COL22A1: variants seen among roughly 807,000 people sequenced by gnomAD.
COL22A1 encodes collagen alpha-1(XXII) chain.
Under a neutral mutation model 248.9 loss-of-function variants are expected in COL22A1, and 221 were observed. The ratio of observed to expected loss-of-function variants is 0.89; its 90% confidence interval spans 0.80 to 0.99. COL22A1 has a LOEUF of 0.99. Among genes scored for constraint, COL22A1 ranks in the 50% least tolerant of loss-of-function variants. COL22A1 has a pLI of 0.00. For missense variants in COL22A1, 2,240 were observed against 2,179.0 expected (o/e 1.03, Z -0.56); for synonymous variants, 891 against 793.4 (o/e 1.12, Z -2.07).
chr8:138,909,188 A>G (rs1008491384), intron 1 of COL22A1, among the ~76,000 whole-genome samples: 6 of 152,050 alleles, frequency 3.9e-5, no homozygotes, highest in Admixed American at 6.5e-5. Flanking sequence ...TTATAGGAAT[A>G]ACACTTAACA....
At chr8:138,645,968 A>C (rs2130502168) in intron 47 of COL22A1, among the ~76,000 whole-genome samples, 1 of 152,330 alleles carries the variant, frequency 6.6e-6, no homozygotes, top group Non-Finnish European at 1.5e-5. Context: ...ATCTGTCCCC[A>C]TACCAGCACT....
At chr8:138,652,721 C>CT (rs146091588) in intron 45 of COL22A1, among the ~76,000 whole-genome samples, 3,258 of 58,122 alleles carry the variant, frequency 0.056, 169 homozygotes, top group East Asian at 0.32. Flanking sequence ...AAAATATTTT[C>CT]TTTTCCTTTT....
chr8:138,878,367 C>T lies in COL22A1; in HGVS notation c.92-51G>A. On this transcript the variant is annotated intron_variant, in intron 2 of 64. Transcript: ENST00000303045. Reference sequence around the variant, plus strand: ...GTAGGGCAAATGGGCATGGAAAGGACACTGTCCTGGGGTATACAGGTCACT... The same window carrying T: ...GTAGGGCAAATGGGCATGGAAAGGATACTGTCCTGGGGTATACAGGTCACT... 3 of 1,422,128 alleles carry T rather than the reference C, an allele frequency of 2.1e-6. No homozygotes were observed. In the South Asian group the frequency reaches 4.3e-5, roughly 20 times the overall value. The allele number at this position is 1,422,128 out of a possible 1,614,324, so 88.1% of individuals were successfully genotyped here.
intron 41 of COL22A1, among the ~76,000 whole-genome samples, chr8:138,666,700 T>C (rs1824532642): frequency 6.6e-6 from 1 of 152,224 alleles, no homozygotes; most frequent in Non-Finnish European, 1.5e-5. Context: ...TGGTTTGTTA[T>C]GGCCTGGGAA....
chr8:138,785,036 G>A (rs1371440299), intron 12 of COL22A1, among the ~76,000 whole-genome samples: 8 of 152,160 alleles, frequency 5.3e-5, no homozygotes, highest in Non-Finnish European at 1.2e-4. Flanking sequence ...GGGGCACAGG[G>A]CAGGTGCATG....
At chr8:138,845,390 C>T (rs1421001407) in intron 3 of COL22A1, among the ~76,000 whole-genome samples, 1 of 151,644 alleles carries the variant, frequency 6.6e-6, no homozygotes, top group Non-Finnish European at 1.5e-5. Flanking sequence ...ACACTGGTAA[C>T]CCCAGCTACT....
rs748431398 is a variant in COL22A1, at chr8:138,613,929, AAGACAG to A, written c.3925-15_3925-10del. The A allele has an allele frequency of 1.2e-6, 2 of 1,606,258 alleles. No homozygotes were observed. Among genetic ancestry groups the A allele is most frequent in the South Asian group, 2.2e-5 (2 of 90,926 alleles). The stretch of plus-strand genomic sequence containing the variant: ...GTGGGTCCAGTGTCACCCTGGAACA[AAGACAG>A]AGAGATGGTGTCATCATCAAGTCAC... On this transcript the variant is annotated splice_polypyrimidine_tract_variant and intron_variant, in intron 55 of 64. Coordinates refer to ENST00000303045, the MANE Select transcript of COL22A1 (RefSeq NM_152888.3).
chr8:138,688,906 A>G lies in COL22A1; in HGVS notation c.2862+11T>C. 6.2e-7 allele frequency: 1 copy of G among 1,609,656 alleles called. No homozygotes were observed. On this transcript the variant is annotated intron_variant, in intron 37 of 64. Coordinates refer to ENST00000303045, the MANE Select transcript of COL22A1 (RefSeq NM_152888.3). ...ATTCACTTGTGTGCTGAGAGATCAT[A>G]TTGGTCTTACCTTCTCACCACGCTC... is the stretch of plus-strand genomic sequence containing the variant.
chr8:138,766,803 G>A (rs1833945659), intron 16 of COL22A1, among the ~76,000 whole-genome samples: 1 of 152,222 alleles, frequency 6.6e-6, no homozygotes, highest in Admixed American at 6.5e-5. Flanking sequence ...GTGGAACCAT[G>A]CCATAGTGTG....
intron 63 of COL22A1, among the ~76,000 whole-genome samples, chr8:138,593,400 A>G (rs929318362): frequency 2.6e-5 from 4 of 152,132 alleles, no homozygotes; most frequent in African/African-American, 4.8e-5. Flanking sequence ...TTTAAAAAAA[A>G]ACCTTTTGTT....
chr8:138,811,062 CT>C (rs1225742578), intron 9 of COL22A1, among the ~76,000 whole-genome samples: 1 of 152,152 alleles, frequency 6.6e-6, no homozygotes, highest in Non-Finnish European at 1.5e-5. Flanking sequence ...GTAAATCTTT[CT>C]GTTCCTTCTA....
chr8:138,733,891 T>A (rs1427940791), intron 23 of COL22A1, among the ~76,000 whole-genome samples: 1 of 152,134 alleles, frequency 6.6e-6, no homozygotes, highest in Non-Finnish European at 1.5e-5. Context: ...TCCACCTTCT[T>A]CAATCAGGCC....
At chr8:138,637,129 G>T (rs1322315388) in intron 47 of COL22A1, among the ~76,000 whole-genome samples, 1 of 152,160 alleles carries the variant, frequency 6.6e-6, no homozygotes, top group African/African-American at 2.4e-5. Context: ...ACCATTAAAA[G>T]GATGTGAAAT....
chr8:138,618,507 C>T (rs930013936), intron 53 of COL22A1, among the ~76,000 whole-genome samples: 2 of 152,188 alleles, frequency 1.3e-5, no homozygotes, highest in African/African-American at 4.8e-5. Flanking sequence ...ATCACTAGCT[C>T]AGTGTTGCAA....
intron 5 of COL22A1, among the ~76,000 whole-genome samples, chr8:138,830,029 A>C (rs898619894): frequency 1.3e-5 from 2 of 152,238 alleles, no homozygotes; most frequent in African/African-American, 4.8e-5. Flanking sequence ...TGTATCAGTC[A>C]TTTTAATCAG....
Position 138,606,445 on chromosome 8 carries a change from T to C in COL22A1, c.4040A>G (p.Lys1347Arg). The C allele has an allele frequency of 6.2e-7, 1 of 1,613,740 alleles. No homozygotes were observed. The highest frequency in any genetic ancestry group is 8.5e-7 in the Non-Finnish European group (1 of 1,179,922). ...EPGPSGTPGQ[K>R]GSKGENGSPG... is the part of the protein sequence containing the mutation. ...GCTGCCATTTTCCCCTTTGCTTCCT[T>C]TCTGGCCCTGCAAAGAGAAAACTGA... Residue 1347 changes from lysine to arginine, a missense_variant, in exon 58 of 65, where the codon AAA (lysine) becomes AGA (arginine). Coordinates refer to ENST00000303045, the MANE Select transcript of COL22A1 (RefSeq NM_152888.3).
At chr8:138,856,944 G>A (rs1002249347) in intron 3 of COL22A1, among the ~76,000 whole-genome samples, 2 of 152,086 alleles carry the variant, frequency 1.3e-5, no homozygotes, top group Admixed American at 1.3e-4. Flanking sequence ...TGGGACAAAT[G>A]GGTGTCCACC....
At chr8:138,740,635 A>G (rs893032468) in intron 22 of COL22A1, among the ~76,000 whole-genome samples, 1 of 152,226 alleles carries the variant, frequency 6.6e-6, no homozygotes, top group Non-Finnish European at 1.5e-5. Context: ...ATGGGCAAGT[A>G]GGAGGCGCGT....
In COL22A1 at chr8:138,611,896, A is replaced by C. The variant is rs77442866; in HGVS notation, c.3978+1971T>G. On this transcript the variant is annotated intron_variant, in intron 56 of 64. Transcript: ENST00000303045. ...TAGGGTGGAGAATACAGGATTTGGC[A>C]TCAGAAAGTCTTGGTCTTAAACCAA... 5.2e-3 allele frequency among the ~76,000 whole-genome samples: 787 copies of C among 152,376 alleles called. 7 individuals carry two copies. Among genetic ancestry groups the C allele is most frequent in the African/African-American group, 0.017 (726 of 41,596 alleles).
Sources: allele counts gnomAD v4.1 joint callset (sites outside exome capture counted in the v4.1 genomes callset), GRCh38; gene constraint gnomAD v4.1.1; transcripts MANE v1.5; gene names NCBI Gene and HGNC (gene_info 2026-07-23, HGNC 2026-07-21).